Variants in TNFAIP6 observed in about 807,000 individuals in gnomAD.
The protein encoded by TNFAIP6 is tumor necrosis factor-inducible gene 6 protein.
Under a neutral mutation model 33.7 loss-of-function variants are expected in TNFAIP6, and 36 were observed. The ratio of observed to expected loss-of-function variants is 1.07; its 90% CI spans 0.82 to 1.41. TNFAIP6 has a LOEUF of 1.41. Among genes scored for constraint, TNFAIP6 ranks in the 40% most tolerant of loss-of-function variants. The pLI, the probability that TNFAIP6 is intolerant of heterozygous loss-of-function variation, is 0.00. For missense variants in TNFAIP6, 273 were observed against 331.9 expected (o/e 0.82, Z 1.38); for synonymous variants, 113 against 112.8 (o/e 1.00, Z -0.01).
intron 5 of TNFAIP6, among the ~76,000 whole-genome samples, chr2:151,375,081 C>T (rs974291598): frequency 2.8e-5 from 4 of 144,600 alleles, no homozygotes; most frequent in Admixed American, 7.2e-5. Context: ...GCCAAGATAG[C>T]GCCATTGCAC....
At chr2:151,370,563 G>C (rs936855047) in intron 4 of TNFAIP6, among the ~76,000 whole-genome samples, 3 of 151,782 alleles carry the variant, frequency 2.0e-5, no homozygotes, top group Non-Finnish European at 4.4e-5. Context: ...TAAGTTGTAA[G>C]AAATAGTTAG....
rs757719578 is a variant in TNFAIP6, at chr2:151,379,350, C to T, written c.665-14C>T. 6.3e-7 allele frequency: 1 copy of T among 1,575,680 alleles called. No homozygotes were observed. The highest frequency in any genetic ancestry group is 1.2e-5 in the South Asian group (1 of 84,450). On this transcript the variant is annotated splice_polypyrimidine_tract_variant and intron_variant, in intron 5 of 5. Transcript: ENST00000243347. ...AGTAACATCTTTGTTCTTTTGCCTC[C>T]TTCCCCGCAACAGGAAATGTCATGA...
At chr2:151,365,914 G>A in intron 2 of TNFAIP6, 142 bp from the exon 3 acceptor site, 3 of 682,420 alleles carry the variant, frequency 4.4e-6, no homozygotes, top group South Asian at 2.3e-5. Context: ...TCTAATTAAG[G>A]AAGCAATTTT....
In TNFAIP6 at chr2:151,364,083, A is replaced by T; in HGVS notation, c.232+3A>T. 10 of 1,613,162 alleles carry T rather than the reference A, an allele frequency of 6.2e-6. No homozygotes were observed. Among genetic ancestry groups the T allele is most frequent in the Non-Finnish European group, 8.5e-6 (10 of 1,179,790 alleles). On this transcript the variant is annotated splice_donor_region_variant and intron_variant, in intron 2 of 5. Coordinates refer to ENST00000243347, the MANE Select transcript of TNFAIP6 (RefSeq NM_007115.4). ...GCTAGAGGCAGCCAGAAAAATTGGT[A>T]ACTGATTTCACAATGATTTTTCTTC...
chr2:151,379,307 T>G, intron 5 of TNFAIP6, 57 bp from the exon 6 acceptor site: 1 of 1,454,950 alleles, frequency 6.9e-7, no homozygotes, highest in South Asian at 1.4e-5. Flanking sequence ...CTTTGAATTG[T>G]CAGCCAAATC....
At chr2:151,376,879 T>TTTTTG in intron 5 of TNFAIP6, among the ~76,000 whole-genome samples, 1 of 147,810 alleles carries the variant, frequency 6.8e-6, no homozygotes, top group South Asian at 2.1e-4. Context: ...TTTTTTTTTT[T>TTTTTG]TTTTTTGTTT....
chr2:151,380,881 A>G (rs1235911540), downstream of TNFAIP6, among the ~76,000 whole-genome samples: 2 of 152,336 alleles, frequency 1.3e-5, no homozygotes, highest in South Asian at 4.1e-4. Flanking sequence ...GTCCAAACCA[A>G]TGACCTCCTA....
intron 5 of TNFAIP6, among the ~76,000 whole-genome samples, chr2:151,377,178 C>CT (rs1553467612): frequency 6.3e-4 from 89 of 142,188 alleles, no homozygotes; most frequent in African/African-American, 1.7e-3. Context: ...CTTTTCTTTT[C>CT]TTTTTTTTTG....
In TNFAIP6 at chr2:151,366,225, A is replaced by T. The variant is rs199968956; in HGVS notation, c.394+8A>T. 2,186 of 1,611,644 alleles carry T rather than the reference A, an allele frequency of 1.4e-3. 33 individuals carry two copies. In the African/African-American group the frequency reaches 0.027, roughly 20 times the overall value. ...ATTGCTACAACCCACACGGTGTGTT[A>T]AAAATAATAATTTTATGTTTTGCAA... is the stretch of plus-strand genomic sequence containing the variant. On this transcript the variant is annotated splice_region_variant and intron_variant, in intron 3 of 5. Transcript: ENST00000243347.
intron 3 of TNFAIP6, 142 bp from the exon 4 acceptor site, chr2:151,369,878 C>T (rs1207214234): frequency 5.0e-6 from 3 of 601,176 alleles, no homozygotes; most frequent in Non-Finnish European, 8.6e-6. Context: ...TAAAAGCATA[C>T]ATAATATACC....
intron 3 of TNFAIP6, chr2:151,368,455 A>G (rs1684755163): frequency 6.6e-6 from 1 of 150,938 alleles, no homozygotes; most frequent in African/African-American, 2.4e-5. Flanking sequence ...TGGAATTAAA[A>G]TTAACCAGGG....
At chr2:151,373,643 T>TTTACTTTCA in intron 5 of TNFAIP6, 54 bp downstream of exon 5, 1 of 1,120,930 alleles carries the variant, frequency 8.9e-7, no homozygotes, top group Non-Finnish European at 1.2e-6. Context: ...ACAGTGTCCC[T>TTTACTTTCA]GAAAGTAAAG....
chr2:151,376,865 C>CTTTTTTTTTTTTTTTT (rs71403162), intron 5 of TNFAIP6, among the ~76,000 whole-genome samples: 706 of 114,108 alleles, frequency 6.2e-3, no homozygotes, highest in African/African-American at 7.9e-3. Context: ...TTTTTCTTTT[C>CTTTTTTTTTTTTTTTT]TTTTTTTTTT....
intron 5 of TNFAIP6, among the ~76,000 whole-genome samples, chr2:151,377,623 T>C (rs1183770168): frequency 6.6e-6 from 1 of 151,248 alleles, no homozygotes; most frequent in Non-Finnish European, 1.5e-5. Context: ...AGTTGAATTT[T>C]TGGTAGTGTT....
chr2:151,368,039 A>C (rs917326979), intron 3 of TNFAIP6, among the ~76,000 whole-genome samples: 1 of 152,116 alleles, frequency 6.6e-6, no homozygotes, highest in Admixed American at 6.6e-5. Flanking sequence ...AATTTTTTCT[A>C]ATCTATTAAT....
intron 1 of TNFAIP6, among the ~76,000 whole-genome samples, chr2:151,362,811 T>G (rs898278211): frequency 9.9e-5 from 15 of 152,124 alleles, no homozygotes; most frequent in Admixed American, 2.0e-4. Context: ...TTATATTGCA[T>G]TAGTCATTGC....
chr2:151,373,454 C>T (rs1684849545), intron 4 of TNFAIP6, 95 bp from the exon 5 acceptor site: 1 of 573,676 alleles, frequency 1.7e-6, no homozygotes, highest in African/African-American at 1.9e-5. Context: ...GAACAATGAG[C>T]TATTACTTAG....
At chr2:151,380,755 T>A (rs1685000062), downstream of TNFAIP6, among the ~76,000 whole-genome samples, 1 of 152,210 alleles carries the variant, frequency 6.6e-6, no homozygotes, top group African/African-American at 2.4e-5. Context: ...TATCTCTCTG[T>A]GGCTCTTGGT....
chr2:151,360,098 G>A (rs1684602828), intron 1 of TNFAIP6, among the ~76,000 whole-genome samples: 1 of 152,116 alleles, frequency 6.6e-6, no homozygotes, highest in Non-Finnish European at 1.5e-5. Flanking sequence ...GAATTAAAAA[G>A]ACCAGCCTGG....
Sources: gnomAD v4.1 joint callset for allele counts (sites outside exome capture counted in the v4.1 genomes callset) on GRCh38, gnomAD v4.1.1 for gene constraint, MANE v1.5 for transcripts, NCBI Gene and HGNC (gene_info 2026-07-23, HGNC 2026-07-21) for gene names.